The following KIAA1217 variants were observed in gnomAD, a reference collection of about 807,000 sequenced individuals.
The protein encoded by KIAA1217 is KIAA1217, also known as sickle tail protein homolog.
KIAA1217 carries 88 observed loss-of-function variants against 163.9 expected under a neutral mutation model. The observed-to-expected ratio is 0.54, with a 90% confidence interval of 0.45 to 0.64. KIAA1217 has a LOEUF of 0.64. KIAA1217 is among the 30% of genes least tolerant of loss of function. The probability of loss-of-function intolerance (pLI) is 0.00; values close to 1 mark genes in which losing one functional copy is unlikely to be tolerated. For synonymous variants in KIAA1217, 903 were observed against 923.1 expected, an observed-to-expected ratio of 0.98 and a Z score of 0.39; for missense variants, 2,372 against 2,475.0, an observed-to-expected ratio of 0.96 and a Z score of 0.88.
At chr10:23,746,583 C>T (rs961343458) in intron 1 of KIAA1217, among the ~76,000 whole-genome samples, 1 of 151,936 alleles carries the variant, frequency 6.6e-6, no homozygotes, top group Non-Finnish European at 1.5e-5. Flanking sequence ...GCCACCACGC[C>T]CAGCTAATTT....
intron 1 of KIAA1217, among the ~76,000 whole-genome samples, chr10:23,882,527 T>G (rs1483915457): frequency 1.3e-5 from 2 of 151,922 alleles, no homozygotes; most frequent in African/African-American, 4.8e-5. Flanking sequence ...TTATGTTGTT[T>G]GAAATAGCAC....
intron 2 of KIAA1217, chr10:24,042,561 C>T (rs950971893): frequency 3.9e-5 from 6 of 152,168 alleles, no homozygotes; most frequent in African/African-American, 1.2e-4. Context: ...ACAATACTGA[C>T]CGGTAACTTC....
intron 1 of KIAA1217, among the ~76,000 whole-genome samples, chr10:23,830,710 A>AGG (rs1564458248): frequency 3.2e-4 from 34 of 105,240 alleles, no homozygotes; most frequent in African/African-American, 1.0e-3. Flanking sequence ...AGGTAGGTAG[A>AGG]TAGATAGGTA....
chr10:24,395,171 C>A (rs1052715645), intron 3 of KIAA1217, among the ~76,000 whole-genome samples: 2 of 152,120 alleles, frequency 1.3e-5, no homozygotes, highest in African/African-American at 4.8e-5. Flanking sequence ...TTTACATTGG[C>A]AGGAAAACAT....
intron 2 of KIAA1217, among the ~76,000 whole-genome samples, chr10:24,336,916 T>G (rs1462117321): frequency 2.0e-5 from 3 of 152,184 alleles, no homozygotes; most frequent in Non-Finnish European, 4.4e-5. Context: ...TAATTCAAAA[T>G]GGATCAAACA....
chr10:23,741,235 A>C (rs1839095544), intron 1 of KIAA1217, among the ~76,000 whole-genome samples: 1 of 152,172 alleles, frequency 6.6e-6, no homozygotes, highest in South Asian at 2.1e-4. Flanking sequence ...CACAGTCTTC[A>C]TAAAAAGGAA....
rs35533445 is a variant in KIAA1217, at chr10:23,704,172, GTATATATATATATA to G, written c.-321+8965_-321+8978del. ...TGTGTGTGTGTGTGTGTGTGTGTGT[GTATATATATATATA>G]TATATATATATATATATATATATAT... On this transcript the variant is annotated intron_variant, in intron 1 of 18. Transcript: ENST00000376462. 2.3e-3 allele frequency among the ~76,000 whole-genome samples: 93 copies of G among 39,948 alleles called. 1 individual carries two copies. Among genetic ancestry groups the G allele is most frequent in the African/African-American group, 8.0e-3 (60 of 7,492 alleles). The allele number at this position is 39,948 out of a possible 152,430, so 26.2% of individuals were successfully genotyped here.
intron 1 of KIAA1217, among the ~76,000 whole-genome samples, chr10:23,792,793 C>T (rs1406686313): frequency 3.9e-5 from 6 of 151,944 alleles, no homozygotes; most frequent in Admixed American, 3.9e-4. Flanking sequence ...TGAGCCACTG[C>T]GCCCGGTCTC....
At chr10:24,031,382 C>A (rs943719208) in intron 2 of KIAA1217, among the ~76,000 whole-genome samples, 1 of 152,144 alleles carries the variant, frequency 6.6e-6, no homozygotes. Context: ...CTCACTGCAG[C>A]CTTGACCTCC....
intron 2 of KIAA1217, among the ~76,000 whole-genome samples, chr10:24,296,018 A>C (rs1310634016): frequency 1.3e-5 from 2 of 152,172 alleles, no homozygotes; most frequent in Non-Finnish European, 2.9e-5. Flanking sequence ...TCTGCTGGCC[A>C]GCAGTAAGGG....
chr10:23,770,778 T>C (rs1239246806), intron 1 of KIAA1217, among the ~76,000 whole-genome samples: 1 of 152,216 alleles, frequency 6.6e-6, no homozygotes, highest in Non-Finnish European at 1.5e-5. Context: ...TGACCTTTGA[T>C]CTCCAGTGGC....
intron 2 of KIAA1217, among the ~76,000 whole-genome samples, chr10:24,043,950 C>G (rs1243706434): frequency 6.6e-6 from 1 of 151,524 alleles, no homozygotes; most frequent in Non-Finnish European, 1.5e-5. Context: ...GTATTAAAGT[C>G]CAAGATCAAT....
In KIAA1217 at chr10:24,461,938, C is replaced by G. The variant is rs976934144; in HGVS notation, c.847-11290C>G. On this transcript the variant is annotated intron_variant, in intron 5 of 20. Transcript: ENST00000376454. ...GGGGCATGGTCCTGAGAATGTCACC[C>G]CATAATGGAATTAGGGTTGTAATGG... Among the ~76,000 whole-genome samples the G allele has an allele frequency of 5.3e-5, 8 of 152,036 alleles. No individual in the cohort carries two copies. The East Asian group carries it at 1.5e-3, about 29-fold the overall frequency.
intron 5 of KIAA1217, among the ~76,000 whole-genome samples, chr10:24,446,283 A>C (rs931794286): frequency 5.3e-5 from 8 of 151,938 alleles, no homozygotes; most frequent in South Asian, 2.1e-4. Context: ...GGATATTAGC[A>C]CTTTGTCAGA....
intron 1 of KIAA1217, among the ~76,000 whole-genome samples, chr10:23,866,709 A>G (rs1051190650): frequency 5.3e-5 from 8 of 151,992 alleles, no homozygotes; most frequent in Non-Finnish European, 1.2e-4. Context: ...CCAGCTTGGC[A>G]GCACTGTTTC....
chr10:24,024,161 A>G (rs1164424959), intron 2 of KIAA1217, among the ~76,000 whole-genome samples: 1 of 151,716 alleles, frequency 6.6e-6, no homozygotes, highest in South Asian at 2.1e-4. Flanking sequence ...ATAAATATTA[A>G]TAATAAATTC....
At chr10:24,442,504 C>T (rs2060577329) in intron 5 of KIAA1217, among the ~76,000 whole-genome samples, 1 of 152,168 alleles carries the variant, frequency 6.6e-6, no homozygotes, top group East Asian at 1.9e-4. Flanking sequence ...CCCAAATGTT[C>T]AGCTTCTAAG....
rs964120391 is a variant in KIAA1217, at chr10:24,273,793, C to A, written c.354+53884C>A. On this transcript the variant is annotated intron_variant, in intron 2 of 20. Transcript: ENST00000376454. ...GCCTGAGCACACGAGATGGAGGTTG[C>A]AGTGAGCCGAGATCGTGCCACTGTG... 4.7e-5 allele frequency among the ~76,000 whole-genome samples: 7 copies of A among 149,948 alleles called. No homozygotes were observed. The South Asian group carries it at 8.5e-4, about 18-fold the overall frequency.
chr10:24,199,024 G>A (rs2067123440), intron 2 of KIAA1217, among the ~76,000 whole-genome samples: 1 of 152,154 alleles, frequency 6.6e-6, no homozygotes, highest in African/African-American at 2.4e-5. Context: ...TTCAAGACCA[G>A]TTTGGGCAAT....
Sources: gnomAD v4.1 joint callset for allele counts (sites outside exome capture counted in the v4.1 genomes callset) on GRCh38, gnomAD v4.1.1 for gene constraint, MANE v1.5 for transcripts, NCBI Gene and HGNC (gene_info 2026-07-23, HGNC 2026-07-21) for gene names.